Variants in GRIA1 observed in about 807,000 individuals in gnomAD.
The protein encoded by GRIA1 is glutamate ionotropic receptor AMPA type subunit 1.
In GRIA1, 31 loss-of-function variants were observed where a neutral mutation model predicts 99.2. The observed-to-expected ratio is 0.31, with a 90% CI of 0.23 to 0.42. The LOEUF (loss-of-function observed/expected upper bound fraction) is 0.42. GRIA1 is among the 10% of genes least tolerant of loss of function. The pLI is 1.00. For missense variants in GRIA1, 782 were observed against 1,157.5 expected (o/e 0.68, Z 4.71); for synonymous variants, 438 against 432.4 (o/e 1.01, Z -0.16).
intron 5 of GRIA1, among the ~76,000 whole-genome samples, chr5:153,660,801 G>T (rs1293048042): frequency 6.6e-6 from 1 of 152,080 alleles, no homozygotes; most frequent in East Asian, 1.9e-4. Context: ...ACACTCATTT[G>T]GTCTAAGATT....
At chr5:153,619,281 C>T (rs747541028) in intron 2 of GRIA1, among the ~76,000 whole-genome samples, 2 of 152,166 alleles carry the variant, frequency 1.3e-5, no homozygotes, top group South Asian at 2.1e-4. Flanking sequence ...TCCTGAGGTA[C>T]ATTAGGAAGC....
chr5:153,534,564 A>G (rs768356711), intron 2 of GRIA1, among the ~76,000 whole-genome samples: 30 of 152,234 alleles, frequency 2.0e-4, no homozygotes, highest in Non-Finnish European at 7.3e-5. Context: ...TCTTGCCTGA[A>G]AATGTAACTG....
In GRIA1 at chr5:153,777,001, A is replaced by G. The variant is rs142712593; in HGVS notation, c.2270+6586A>G. On this transcript the variant is annotated intron_variant, in intron 13 of 15. Coordinates refer to ENST00000285900, the MANE Select transcript of GRIA1 (RefSeq NM_000827.4). ...ACATTGACCCAGAAAATAATTGGGA[A>G]ACAAATAAGCAAGTGCTTTTTTGTG... 8.4e-3 allele frequency among the ~76,000 whole-genome samples: 1,281 copies of G among 152,300 alleles called. 7 individuals are homozygous for G. The highest frequency in any genetic ancestry group is 0.014 in the South Asian group (66 of 4,816).
intron 2 of GRIA1, among the ~76,000 whole-genome samples, chr5:153,497,204 G>T (rs1473767146): frequency 6.6e-6 from 1 of 152,118 alleles, no homozygotes; most frequent in African/African-American, 2.4e-5. Flanking sequence ...CCAATGCCTT[G>T]GGATCTCCTT....
chr5:153,760,247 G>T (rs2149602410), intron 11 of GRIA1, among the ~76,000 whole-genome samples: 1 of 152,192 alleles, frequency 6.6e-6, no homozygotes, highest in South Asian at 2.1e-4. Flanking sequence ...AAAAGAAGAA[G>T]TCAGATCGTC....
chr5:153,497,102 C>G (rs1754512369), intron 2 of GRIA1, among the ~76,000 whole-genome samples: 1 of 152,006 alleles, frequency 6.6e-6, no homozygotes, highest in South Asian at 2.1e-4. Context: ...CTACTACTGG[C>G]CAAGGTGAGA....
chr5:153,778,456 G>A (rs140613535), intron 13 of GRIA1, among the ~76,000 whole-genome samples: 1 of 151,982 alleles, frequency 6.6e-6, no homozygotes, highest in Non-Finnish European at 1.5e-5. Flanking sequence ...CCTAAGAAGT[G>A]ATGTGCATTA....
chr5:153,635,733 G>T (rs1753301028), intron 2 of GRIA1, among the ~76,000 whole-genome samples: 1 of 152,192 alleles, frequency 6.6e-6, no homozygotes, highest in African/African-American at 2.4e-5. Flanking sequence ...CCCACACGTG[G>T]TAGAGCCTTG....
At chr5:153,524,452 C>G (rs926667205) in intron 2 of GRIA1, among the ~76,000 whole-genome samples, 1 of 131,042 alleles carries the variant, frequency 7.6e-6, no homozygotes, top group Non-Finnish European at 1.6e-5. Flanking sequence ...TGACTGGATA[C>G]AAATCTTTCC....
chr5:153,655,956 G>A, intron 5 of GRIA1, 84 bp downstream of exon 5: 1 of 1,173,538 alleles, frequency 8.5e-7, no homozygotes, highest in Non-Finnish European at 1.3e-6. Context: ...TGGCTGATGT[G>A]AACTGAGTAG....
At chr5:153,548,446 A>G (rs985801931) in intron 2 of GRIA1, among the ~76,000 whole-genome samples, 2 of 152,178 alleles carry the variant, frequency 1.3e-5, no homozygotes, top group African/African-American at 2.4e-5. Flanking sequence ...GTAAACTGAG[A>G]CCCAGAGACT....
chr5:153,557,939 G>T (rs1760798685), intron 2 of GRIA1: 1 of 152,174 alleles, frequency 6.6e-6, no homozygotes, highest in Admixed American at 6.5e-5. Context: ...TAGAAAGAGT[G>T]CACTGTAAAA....
At chr5:153,715,240 C>T (rs1394746545) in intron 11 of GRIA1, among the ~76,000 whole-genome samples, 1 of 151,990 alleles carries the variant, frequency 6.6e-6, no homozygotes, top group Non-Finnish European at 1.5e-5. Context: ...TCCAACCAAG[C>T]CAAGTTGTGC....
intron 2 of GRIA1, among the ~76,000 whole-genome samples, chr5:153,549,114 A>C (rs1474666263): frequency 2.6e-5 from 4 of 152,228 alleles, no homozygotes; most frequent in Non-Finnish European, 4.4e-5. Context: ...GTTAACAATC[A>C]GCTAACCAGA....
rs772737805 is a variant in GRIA1 at position 153,494,094 on chromosome 5, T to C, written c.220+29T>C. ...AGTAATTGCTTCTATTTCTGAGATG[T>C]CTTTCTGCGCTAGACCAATGAAAGG... On this transcript the variant is annotated intron_variant, in intron 2 of 15. Transcript: ENST00000285900. 5.6e-6 allele frequency: 9 copies of C among 1,609,868 alleles called. No homozygotes were observed. In the Admixed American group the frequency reaches 1.2e-4, roughly 21 times the overall value.
chr5:153,570,204 C>T (rs1235660040), intron 2 of GRIA1, among the ~76,000 whole-genome samples: 1 of 152,198 alleles, frequency 6.6e-6, no homozygotes, highest in East Asian at 1.9e-4. Context: ...TGCATTGCTT[C>T]AAGCACCTAT....
chr5:153,811,953 A>G lies in GRIA1; in HGVS notation c.*728A>G, dbSNP rs1013990646. 1 of 152,466 alleles carries G rather than the reference A, an allele frequency of 6.6e-6. No individual in the cohort carries two copies. Among genetic ancestry groups the G allele is most frequent in the African/African-American group, 2.4e-5 (1 of 41,460 alleles). 9.4% of individuals were successfully genotyped at this position (152,466 alleles called of 1,614,324 possible). ...AGAGGGCAGGGGCAGATGTGCAGTC[A>G]GAGAAGGACTCCTGAAGTTACTGCT... On this transcript the variant is annotated 3_prime_UTR_variant, in exon 16 of 16. Transcript: ENST00000285900.
rs764951842 is a variant in GRIA1, at chr5:153,698,124, G to A, written c.1215G>A (p.Gln405=). 1 of 1,605,502 alleles carries A rather than the reference G, an allele frequency of 6.2e-7. No individual in the cohort carries two copies. The highest frequency in any genetic ancestry group is 8.5e-7 in the Non-Finnish European group (1 of 1,172,220). Residue 405 remains glutamine (Q), a synonymous_variant, in exon 9 of 16, where the codon CAG becomes CAA. Coordinates refer to ENST00000285900, the MANE Select transcript of GRIA1 (RefSeq NM_000827.4). ...CTGGGGGCGATAATTCAAGTGTTCAGAACAGAACATACATCGTCACAACAA... is the reference window on the plus strand; with the variant it reads ...CTGGGGGCGATAATTCAAGTGTTCAAAACAGAACATACATCGTCACAACAA... ...AQAGGDNSSV[Q]NRTYIVTTIL...
chr5:153,722,930 G>T (rs1278752176), intron 11 of GRIA1, among the ~76,000 whole-genome samples: 1 of 152,122 alleles, frequency 6.6e-6, no homozygotes, highest in Non-Finnish European at 1.5e-5. Context: ...TGATTTTTCT[G>T]AACAGTTTCA....
Sources: gnomAD v4.1 joint callset for allele counts (sites outside exome capture counted in the v4.1 genomes callset) on GRCh38, gnomAD v4.1.1 for gene constraint, MANE v1.5 for transcripts, NCBI Gene and HGNC (gene_info 2026-07-23, HGNC 2026-07-21) for gene names.